The following SERPINE2 variants were observed in gnomAD, a reference collection of about 807,000 sequenced individuals.
The protein encoded by SERPINE2 is glia-derived nexin.
SERPINE2 carries 14 observed loss-of-function variants against 36.3 expected under a neutral mutation model. That is an observed-to-expected ratio of 0.39 (90% CI 0.25 to 0.60). The LOEUF (loss-of-function observed/expected upper bound fraction) is 0.60, where lower values mean the gene tolerates loss of function less well. Among genes scored for constraint, SERPINE2 ranks in the 20% least tolerant of loss-of-function variants. The pLI, the probability that SERPINE2 is intolerant of heterozygous loss-of-function variation, is 0.57. For synonymous variants in SERPINE2, 192 were observed against 191.8 expected, an observed-to-expected ratio of 1.00 and a Z score of -0.01; for missense variants, 418 against 499.6, an observed-to-expected ratio of 0.84 and a Z score of 1.56.
At chr2:224,031,752 ACCCCCCACC>A (rs1439499672) in intron 1 of SERPINE2, among the ~76,000 whole-genome samples, 13 of 104,624 alleles carry the variant, frequency 1.2e-4, no homozygotes, top group Admixed American at 2.9e-4. Context: ...TAGGATTTCC[ACCCCCCACC>A]CCCCCCGCCG....
At chr2:224,005,064 A>T (rs775678227) in intron 1 of SERPINE2, among the ~76,000 whole-genome samples, 59,292 of 89,778 alleles carry the variant, frequency 0.66, 16,874 homozygotes, top group South Asian at 0.71. Context: ...TTTTATATAT[A>T]TTATATATAT....
intron 6 of SERPINE2, 112 bp downstream of exon 6, chr2:223,982,569 G>T: frequency 1.7e-6 from 1 of 585,180 alleles, no homozygotes; most frequent in South Asian, 2.6e-5. Context: ...ATGAAACCTT[G>T]TACAGTTTCA....
At chr2:224,010,430 C>CA in intron 1 of SERPINE2, 1 of 903,402 alleles carries the variant, frequency 1.1e-6, no homozygotes, top group Non-Finnish European at 1.3e-6. Context: ...TACACTCTGA[C>CA]ATCAAGTGCC....
At chr2:223,998,598 C>T (rs1168407524) in intron 2 of SERPINE2, among the ~76,000 whole-genome samples, 1 of 152,062 alleles carries the variant, frequency 6.6e-6, no homozygotes, top group African/African-American at 2.4e-5. Flanking sequence ...GCCTGTGATA[C>T]CAACTACTTG....
At chr2:224,014,587 GCTTT>G (rs1321119805) in intron 1 of SERPINE2, among the ~76,000 whole-genome samples, 4 of 152,262 alleles carry the variant, frequency 2.6e-5, no homozygotes, top group South Asian at 2.1e-4. Context: ...CCTAGAGCAG[GCTTT>G]CTTTATCTCG....
intron 1 of SERPINE2, among the ~76,000 whole-genome samples, chr2:224,036,308 G>C (rs1168001797): frequency 6.7e-6 from 1 of 149,460 alleles, no homozygotes; most frequent in Non-Finnish European, 1.5e-5. Context: ...GGAGGAATAA[G>C]GAAAACCAGA....
chr2:223,977,632 G>A lies in SERPINE2; in HGVS notation c.1073-5C>T, dbSNP rs372168691. 2.3e-5 allele frequency: 36 copies of A among 1,598,830 alleles called. No homozygotes were observed. In the Admixed American group the frequency reaches 3.0e-4, roughly 13 times the overall value. On this transcript the variant is annotated splice_polypyrimidine_tract_variant and splice_region_variant and intron_variant, in intron 7 of 8. Transcript: ENST00000409304. ...ATCTTGCAATGAGAATTGCAGCTACGGGAAGAAAAGGAAAATGTGTTGTGC... is the reference window on the plus strand; with the variant it reads ...ATCTTGCAATGAGAATTGCAGCTACAGGAAGAAAAGGAAAATGTGTTGTGC...
At chr2:223,981,810 G>A (rs1690236167) in intron 6 of SERPINE2, 1 of 152,152 alleles carries the variant, frequency 6.6e-6, no homozygotes, top group South Asian at 2.1e-4. Flanking sequence ...TTTGGCAAAG[G>A]AAAGTTTTAA....
intron 1 of SERPINE2, among the ~76,000 whole-genome samples, chr2:224,024,707 A>G (rs143786617): frequency 1.3e-5 from 2 of 152,346 alleles, no homozygotes; most frequent in South Asian, 2.1e-4. Context: ...GAACAAGTCA[A>G]TAACTCTTAG....
rs1690183378 is a variant in SERPINE2 at position 223,980,431 on chromosome 2, G to A, written c.986-34C>T. ...AGAAAATAAAACAGTATCAGCATTT[G>A]TTTGATAGGCAGGCCATTGGTTGGT... On this transcript the variant is annotated intron_variant, in intron 6 of 8. Transcript: ENST00000409304. 3 of 1,575,680 alleles carry A rather than the reference G, an allele frequency of 1.9e-6. No individual in the cohort carries two copies. In the East Asian group the frequency reaches 6.7e-5, roughly 35 times the overall value.
At chr2:224,004,763 C>T (rs1330816869) in intron 1 of SERPINE2, among the ~76,000 whole-genome samples, 2 of 151,762 alleles carry the variant, frequency 1.3e-5, no homozygotes, top group Non-Finnish European at 2.9e-5. Context: ...TTACAAATGG[C>T]CAAATGCAGT....
chr2:224,009,657 T>C (rs1417223946), intron 1 of SERPINE2, among the ~76,000 whole-genome samples: 1 of 151,902 alleles, frequency 6.6e-6, no homozygotes, highest in African/African-American at 2.4e-5. Context: ...ATTGTGCTAC[T>C]GCACTCCAGC....
chr2:223,990,023 T>G (rs1445566574), intron 4 of SERPINE2, among the ~76,000 whole-genome samples: 1 of 152,106 alleles, frequency 6.6e-6, no homozygotes, highest in Admixed American at 6.5e-5. Flanking sequence ...AAAGAGCTCT[T>G]GGGCACACCC....
Position 223,982,743 on chromosome 2 carries a change from A to G in SERPINE2, c.923T>C (p.Leu308Pro). 4 of 1,613,960 alleles carry G rather than the reference A, an allele frequency of 2.5e-6. No homozygotes were observed. The highest frequency in any genetic ancestry group is 3.4e-6 in the Non-Finnish European group (4 of 1,179,938). Residue 308 changes from leucine (L) to proline (P), a missense_variant, in exon 6 of 9, where the codon CTG becomes CCG. Physicochemically the swap from Leu to Pro is moderately conservative, Grantham distance 98 (BLOSUM62 -3). Coordinates refer to ENST00000409304, the MANE Select transcript of SERPINE2 (RefSeq NM_001136528.2). ...CATGTCAGTAATGCCAAGAACTTTC[A>G]GCGGCTCCTTCAAATCTGTTTGTGC... ...AVAQTDLKEP[L>P]KVLGITDMFD... is the part of the protein sequence containing the mutation.
chr2:224,027,168 G>T (rs919519415), intron 1 of SERPINE2, among the ~76,000 whole-genome samples: 5 of 152,128 alleles, frequency 3.3e-5, no homozygotes, highest in Non-Finnish European at 5.9e-5. Flanking sequence ...TGAAGGGCTT[G>T]GCATTAGCAC....
intron 4 of SERPINE2, among the ~76,000 whole-genome samples, chr2:223,990,698 C>A (rs1310605061): frequency 1.3e-5 from 2 of 152,128 alleles, no homozygotes; most frequent in Non-Finnish European, 2.9e-5. Context: ...TTCATTTGAG[C>A]CTGGTGCGGT....
chr2:224,038,651 G>A, intron 1 of SERPINE2: 1 of 746,764 alleles, frequency 1.3e-6, no homozygotes, highest in East Asian at 2.7e-5. Flanking sequence ...AAGTAAGAGT[G>A]CGCCAGTCTC....
At chr2:224,016,494 G>A (rs957774539) in intron 1 of SERPINE2, among the ~76,000 whole-genome samples, 10 of 125,142 alleles carry the variant, frequency 8.0e-5, no homozygotes, top group South Asian at 6.0e-4. Context: ...CGACAAGAGC[G>A]AAAGTCCGTC....
Position 223,998,201 on chromosome 2 carries a change from A to G in SERPINE2, c.401T>C (p.Phe134Ser). The G allele has an allele frequency of 6.2e-7, 1 of 1,614,212 alleles. No individual in the cohort carries two copies. The highest frequency in any genetic ancestry group is 8.5e-7 in the Non-Finnish European group (1 of 1,180,040). The change falls in exon 3 of 9, where the codon TTC (phenylalanine) becomes TCC (serine). Residue 134 changes from phenylalanine (F) to serine (S), a missense_variant. Coordinates refer to ENST00000409304, the MANE Select transcript of SERPINE2 (RefSeq NM_001136528.2). The stretch of plus-strand genomic sequence containing the variant: ...GTTCACATTCCGGACCTCACACTGG[A>G]ACACATCTTTGTTCCTTGTAACAAA... ...VPFVTRNKDV[F>S]QCEVRNVNFE...
Sources: gnomAD v4.1 joint callset for allele counts (sites outside exome capture counted in the v4.1 genomes callset) on GRCh38, gnomAD v4.1.1 for gene constraint, MANE v1.5 for transcripts, NCBI Gene and HGNC (gene_info 2026-07-23, HGNC 2026-07-21) for gene names.